The following GPR137B variants were observed in gnomAD, a reference collection of about 807,000 sequenced individuals.
The protein encoded by GPR137B is integral membrane protein GPR137B.
GPR137B carries 42 observed loss-of-function variants against 42.5 expected under a neutral mutation model. That is an observed-to-expected ratio of 0.99 (90% CI 0.77 to 1.28). The LOEUF (loss-of-function observed/expected upper bound fraction) is 1.28, where lower values mean the gene tolerates loss of function less well. Ranked by LOEUF, GPR137B falls within the 50% of genes most tolerant of loss-of-function variation. GPR137B has a pLI of 0.00. For missense variants in GPR137B, 487 were observed against 493.9 expected (o/e 0.99, Z 0.13); for synonymous variants, 218 against 209.7 (o/e 1.04, Z -0.34).
chr1:236,168,573 C>T (rs756754893), intron 1 of GPR137B, 133 bp from the exon 2 acceptor site: 10 of 692,216 alleles, frequency 1.4e-5, no homozygotes, highest in Admixed American at 6.6e-5. Flanking sequence ...GCATAACAAA[C>T]GTGGACATTT....
At chr1:236,176,507 C>T (rs928153284) in intron 2 of GPR137B, among the ~76,000 whole-genome samples, 1 of 152,134 alleles carries the variant, frequency 6.6e-6, no homozygotes, top group Non-Finnish European at 1.5e-5. Flanking sequence ...CGGGCTGCCT[C>T]ATCTTCATCC....
At chr1:236,165,077 A>G (rs1198691421) in intron 1 of GPR137B, among the ~76,000 whole-genome samples, 2 of 152,106 alleles carry the variant, frequency 1.3e-5, no homozygotes, top group African/African-American at 2.4e-5. Flanking sequence ...GCTAATTTTT[A>G]TAGTTTTAGA....
intron 1 of GPR137B, 91 bp from the exon 2 acceptor site, chr1:236,168,615 A>T: frequency 1.1e-6 from 1 of 944,354 alleles, no homozygotes; most frequent in East Asian, 2.4e-5. Flanking sequence ...GCGCTGGGGG[A>T]TGAAGGGGCA....
At chr1:236,164,344 C>T (rs767952149) in intron 1 of GPR137B, among the ~76,000 whole-genome samples, 1 of 152,198 alleles carries the variant, frequency 6.6e-6, no homozygotes, top group East Asian at 1.9e-4. Flanking sequence ...CTTTTTCATT[C>T]TTGTACATCT....
chr1:236,203,158 A>G (rs1051562402), intron 5 of GPR137B, among the ~76,000 whole-genome samples: 14 of 152,038 alleles, frequency 9.2e-5, no homozygotes, highest in African/African-American at 3.1e-4. Context: ...GCTCACTGCA[A>G]GCTCCGCCTC....
intron 5 of GPR137B, among the ~76,000 whole-genome samples, chr1:236,190,155 T>C (rs969846234): frequency 6.6e-6 from 1 of 150,484 alleles, no homozygotes; most frequent in African/African-American, 2.4e-5. Flanking sequence ...CTTCTTTTTT[T>C]TTTTTTTTTT....
intron 4 of GPR137B, among the ~76,000 whole-genome samples, chr1:236,181,920 GTC>G (rs1273374555): frequency 4.6e-5 from 2 of 43,164 alleles, no homozygotes; most frequent in Non-Finnish European, 7.8e-5. Context: ...TTGAGACGGA[GTC>G]TCTCTCTGTC....
intron 5 of GPR137B, among the ~76,000 whole-genome samples, chr1:236,197,819 C>T (rs1663382321): frequency 6.6e-6 from 1 of 152,182 alleles, no homozygotes. Flanking sequence ...CTCCCAGGTT[C>T]AAGTGATTCT....
chr1:236,192,264 G>A (rs950972189), intron 5 of GPR137B, among the ~76,000 whole-genome samples: 2 of 152,100 alleles, frequency 1.3e-5, no homozygotes, highest in South Asian at 2.1e-4. Context: ...GCTGGGCTCC[G>A]TTGGGGTGGG....
chr1:236,179,979 A>G lies in GPR137B; in HGVS notation c.788A>G (p.Asn263Ser). 6.2e-7 allele frequency: 1 copy of G among 1,613,830 alleles called. No individual in the cohort carries two copies. Among genetic ancestry groups the G allele is most frequent in the Non-Finnish European group, 8.5e-7 (1 of 1,179,748 alleles). ...CTGTTCATCCTGTCATTTTCTCAGA[A>G]CAAGAGCGTCCATTCCTTTGATTAT... ...YNLFILSFSQ[N>S]KSVHSFDYDW... Residue 263 changes from asparagine (N) to serine (S), a missense_variant, in exon 4 of 7, where the codon AAC (asparagine) becomes AGC (serine). Asn to Ser is a conservative substitution (Grantham distance 46). Transcript: ENST00000366592.
intron 5 of GPR137B, among the ~76,000 whole-genome samples, chr1:236,194,947 TA>T: frequency 6.6e-6 from 1 of 152,366 alleles, no homozygotes; most frequent in East Asian, 1.9e-4. Context: ...TTATTCTGGC[TA>T]ATTTGGGCAT....
rs370448621 is a variant in GPR137B, at chr1:236,148,512, C to T, written c.414+5476C>T. On this transcript the variant is annotated intron_variant, in intron 1 of 6. Coordinates refer to ENST00000366592, the MANE Select transcript of GPR137B (RefSeq NM_003272.4). ...TGGTTTGCGGAAGGAAATGGAGAAG[C>T]GAGTTCTCTCCATGGGGAGAGGTGC... Among the ~76,000 whole-genome samples the T allele has an allele frequency of 2.1e-4, 32 of 152,302 alleles. 1 individual carries two copies. In the Middle Eastern group the frequency reaches 0.01, roughly 49 times the overall value.
At position 236,174,802 on chromosome 1, in the gene GPR137B, G is replaced by A. The variant is rs1662636320; in HGVS notation, c.465-3612G>A. Among the ~76,000 whole-genome samples, 5 of 152,128 alleles carry A rather than the reference G, an allele frequency of 3.3e-5. No individual in the cohort carries two copies. In the South Asian group the frequency reaches 1.0e-3, roughly 32 times the overall value. ...TTCAAGGCTGCAGTGAGCTAGGATT[G>A]CATCACTGTACTCCAGCCTGGGTGA... On this transcript the variant is annotated intron_variant, in intron 2 of 6. Coordinates refer to ENST00000366592, the MANE Select transcript of GPR137B (RefSeq NM_003272.4).
chr1:236,186,286 A>ATATATATTATATATTATATAG, intron 5 of GPR137B, among the ~76,000 whole-genome samples: 1 of 58,562 alleles, frequency 1.7e-5, no homozygotes, highest in African/African-American at 5.5e-5. Flanking sequence ...TAATAATATA[A>ATATATATTATATATTATATAG]ATAATATATA....
chr1:236,178,664 C>T, intron 3 of GPR137B, 28 bp downstream of exon 3: 1 of 1,347,504 alleles, frequency 7.4e-7, no homozygotes, highest in Non-Finnish European at 1.1e-6. Flanking sequence ...CAAGATCCCT[C>T]CCATGAAACG....
chr1:236,196,448 ATAT>A (rs1324180343), intron 5 of GPR137B, among the ~76,000 whole-genome samples: 2 of 151,946 alleles, frequency 1.3e-5, no homozygotes, highest in Non-Finnish European at 2.9e-5. Flanking sequence ...CCAAGAATTA[ATAT>A]TATTTTTAAA....
intron 5 of GPR137B, among the ~76,000 whole-genome samples, chr1:236,186,296 AAT>A (rs1491189415): frequency 5.2e-5 from 5 of 96,612 alleles, no homozygotes; most frequent in East Asian, 2.5e-4. Context: ...AATAATATAT[AAT>A]ATATATTATA....
chr1:236,182,877 C>T (rs1662923824), intron 4 of GPR137B, among the ~76,000 whole-genome samples: 2 of 151,858 alleles, frequency 1.3e-5, no homozygotes. Flanking sequence ...TAGGAGCAAG[C>T]AAAACAAATG....
At chr1:236,170,529 G>A (rs754206038) in intron 2 of GPR137B, among the ~76,000 whole-genome samples, 31 of 152,076 alleles carry the variant, frequency 2.0e-4, no homozygotes, top group Non-Finnish European at 1.0e-4. Flanking sequence ...CTCAGTTCAC[G>A]TCTCTACCAG....
Sources: gnomAD v4.1 joint callset for allele counts (sites outside exome capture counted in the v4.1 genomes callset) on GRCh38, gnomAD v4.1.1 for gene constraint, MANE v1.5 for transcripts, NCBI Gene and HGNC (gene_info 2026-07-23, HGNC 2026-07-21) for gene names.